The following ZNF813 variants were observed in gnomAD, a reference collection of about 807,000 sequenced individuals.
ZNF813 encodes the protein zinc finger protein 813.
A neutral mutation model predicts 7.2 loss-of-function variants in ZNF813; 3 were observed. The observed-to-expected ratio is 0.42, with a 90% confidence interval of 0.19 to 1.08. The LOEUF is 1.08. Ranked by LOEUF, ZNF813 falls within the 50% of genes least tolerant of loss-of-function variation. The pLI, the probability that ZNF813 is intolerant of heterozygous loss-of-function variation, is 0.30. For missense variants in ZNF813, 714 were observed against 753.3 expected, an observed-to-expected ratio of 0.95 and a Z score of 0.61; for synonymous variants, 227 against 256.3, an observed-to-expected ratio of 0.89 and a Z score of 1.09.
intron 1 of ZNF813, among the ~76,000 whole-genome samples, chr19:53,471,864 A>T (rs2147153932): frequency 1.0e-5 from 1 of 96,048 alleles, no homozygotes; most frequent in Admixed American, 1.1e-4. Context: ...AGTCAGTTAG[A>T]GTTAAATTAT....
chr19:53,469,906 G>A (rs551057166), intron 1 of ZNF813, among the ~76,000 whole-genome samples: 117 of 151,124 alleles, frequency 7.7e-4, no homozygotes, highest in Non-Finnish European at 1.4e-3. Flanking sequence ...GGGGGAGACA[G>A]AAGGATGTTT....
At chr19:53,483,130 T>A (rs1446406915) in intron 1 of ZNF813, among the ~76,000 whole-genome samples, 3 of 150,810 alleles carry the variant, frequency 2.0e-5, no homozygotes, top group Non-Finnish European at 4.4e-5. Context: ...GGCTGGTCTC[T>A]GACTTCTGAC....
chr19:53,491,365 C>T lies in ZNF813; in HGVS notation c.1133C>T (p.Thr378Met), dbSNP rs147544819. The part of the protein sequence containing the change: ...SSLTCHHRLH[T>M]GEKPYKCNEC... ...CTTACATGCCATCATAGACTTCATA[C>T]GGGAGAGAAACCTTATAAGTGTAAT... The change falls in exon 4 of 4, where the codon ACG becomes ATG. Residue 378 changes from threonine (T) to methionine (M), a missense_variant. Thr to Met is a moderately conservative substitution (Grantham distance 81). Around this residue, in one of 3 missense-constraint regions of ZNF813, gnomAD observed 563 missense variants for 554.2 expected, o/e 1.02. Coordinates refer to ENST00000396403, the MANE Select transcript of ZNF813 (RefSeq NM_001004301.4). 1.1e-4 allele frequency: 174 copies of T among 1,613,274 alleles called. No homozygotes were observed. Among genetic ancestry groups the T allele is most frequent in the Non-Finnish European group, 1.3e-4 (153 of 1,179,746 alleles).
In ZNF813 at chr19:53,480,660, C is replaced by G. The variant is rs184378589; in HGVS notation, c.-73-3090C>G. ...GGTAAAGATGTCAGTGACCTTTTACCTTAACATCAAAATGTAGTTTAACCA... is the reference window on the plus strand; with the variant it reads ...GGTAAAGATGTCAGTGACCTTTTACGTTAACATCAAAATGTAGTTTAACCA... On this transcript the variant is annotated intron_variant, in intron 1 of 3. Coordinates refer to ENST00000396403, the MANE Select transcript of ZNF813 (RefSeq NM_001004301.4). 2.1e-3 allele frequency among the ~76,000 whole-genome samples: 318 copies of G among 152,230 alleles called. 3 individuals are homozygous for G. Among genetic ancestry groups the G allele is most frequent in the African/African-American group, 7.2e-3 (300 of 41,548 alleles).
At chr19:53,488,524 T>C (rs1336851554) in intron 3 of ZNF813, among the ~76,000 whole-genome samples, 2 of 151,736 alleles carry the variant, frequency 1.3e-5, no homozygotes, top group African/African-American at 4.8e-5. Context: ...TTTTCCTGCC[T>C]CAGTCCCCCA....
chr19:53,487,143 C>T (rs1327226117), intron 3 of ZNF813, among the ~76,000 whole-genome samples: 1 of 152,010 alleles, frequency 6.6e-6, no homozygotes, highest in Non-Finnish European at 1.5e-5. Flanking sequence ...AAAATTTTTG[C>T]ATATGTATGT....
At chr19:53,475,428 G>A (rs946591438) in intron 1 of ZNF813, among the ~76,000 whole-genome samples, 1 of 152,392 alleles carries the variant, frequency 6.6e-6, no homozygotes, top group African/African-American at 2.4e-5. Context: ...TCTCATTGGG[G>A]AATACCTCGT....
At chr19:53,475,710 A>G (rs1176983887) in intron 1 of ZNF813, among the ~76,000 whole-genome samples, 3 of 152,236 alleles carry the variant, frequency 2.0e-5, no homozygotes, top group Non-Finnish European at 4.4e-5. Context: ...GCCTTAAGGC[A>G]AAGAGGCCAT....
chr19:53,474,037 T>C (rs2086371402), intron 1 of ZNF813, among the ~76,000 whole-genome samples: 4 of 152,252 alleles, frequency 2.6e-5, no homozygotes, highest in Admixed American at 2.6e-4. Flanking sequence ...TTTAGCAGTC[T>C]TGTTAAATCT....
intron 1 of ZNF813, among the ~76,000 whole-genome samples, chr19:53,472,611 C>CTTTTTT (rs1166123869): frequency 3.9e-5 from 5 of 128,406 alleles, no homozygotes; most frequent in Non-Finnish European, 3.2e-5. Context: ...ACAAGTCTTT[C>CTTTTTT]TTTTTTTTTT....
At chr19:53,468,826 G>A (rs901671524) in intron 1 of ZNF813, among the ~76,000 whole-genome samples, 1 of 152,132 alleles carries the variant, frequency 6.6e-6, no homozygotes, top group Non-Finnish European at 1.5e-5. Context: ...CCAGGGACCA[G>A]CAGGAGACAG....
At chr19:53,488,068 A>G (rs965523762) in intron 3 of ZNF813, 4 of 241,240 alleles carry the variant, frequency 1.7e-5, no homozygotes, top group African/African-American at 9.2e-5. Context: ...CTTGTCGCCC[A>G]TGCTGGAGTG....
At chr19:53,471,126 A>G (rs2617702) in intron 1 of ZNF813, among the ~76,000 whole-genome samples, 79,169 of 151,710 alleles carry the variant, frequency 0.52, 21,200 homozygotes, top group African/African-American at 0.66. Context: ...TTTTTTCTTT[A>G]ATTTTATTGT....
intron 3 of ZNF813, among the ~76,000 whole-genome samples, chr19:53,487,797 CAA>C (rs35942754): frequency 0.015 from 1,886 of 130,048 alleles, 42 homozygotes; most frequent in African/African-American, 0.05. Context: ...GACTCTGTCT[CAA>C]AAAAAAAAAA....
Position 53,491,767 on chromosome 19 carries a change from GTCA to G in ZNF813, c.1540_1542del (p.His514del), listed in dbSNP as rs1330956885. 5.1e-6 allele frequency: 8 copies of G among 1,571,816 alleles called. No individual in the cohort carries two copies. Among genetic ancestry groups the G allele is most frequent in the Non-Finnish European group, 7.0e-6 (8 of 1,149,152 alleles). On this transcript the variant is annotated inframe_deletion, in exon 4 of 4. Transcript: ENST00000396403. ...TTTAATCGGAAAACACACCTTGCAT[GTCA>G]TCATAGACTTCATACTGGAGAGAAA...
intron 3 of ZNF813, among the ~76,000 whole-genome samples, chr19:53,487,524 C>T (rs2086439901): frequency 6.6e-6 from 1 of 151,970 alleles, no homozygotes; most frequent in Non-Finnish European, 1.5e-5. Flanking sequence ...TCCTTGTGCC[C>T]CAGTGGCTCA....
intron 1 of ZNF813, among the ~76,000 whole-genome samples, chr19:53,482,843 G>T (rs1409021272): frequency 6.7e-6 from 1 of 148,950 alleles, no homozygotes; most frequent in African/African-American, 2.5e-5. Context: ...TTGTGCCTCA[G>T]CCTCCCAAGT....
chr19:53,483,946 C>T (rs1453046002), intron 2 of ZNF813, 109 bp downstream of exon 2: 1 of 1,593,894 alleles, frequency 6.3e-7, no homozygotes, highest in Non-Finnish European at 8.6e-7. Context: ...GACAGGTTTG[C>T]TCACATTCAC....
chr19:53,490,409 A>G lies in ZNF813; in HGVS notation c.177A>G (p.Ser59=), dbSNP rs2086453560. The part of the protein sequence containing the change: ...ISSKCMMKEF[S]STAQGNREVI... The stretch of plus-strand genomic sequence containing the variant: ...CCAAATGCATGATGAAGGAGTTCTC[A>G]TCAACAGCACAAGGCAATAGAGAAG... Residue 59 remains serine (S), a synonymous_variant, in exon 4 of 4, where the codon TCA becomes TCG. Coordinates refer to ENST00000396403, the MANE Select transcript of ZNF813 (RefSeq NM_001004301.4). The G allele has an allele frequency of 6.2e-7, 1 of 1,614,138 alleles. No individual in the cohort carries two copies. Among genetic ancestry groups the G allele is most frequent in the East Asian group, 2.2e-5 (1 of 44,876 alleles).
Sources: gnomAD v4.1 joint callset for allele counts (sites outside exome capture counted in the v4.1 genomes callset) on GRCh38, gnomAD v4.1.1 for gene constraint, gnomAD v4.1.1 regional missense constraint, MANE v1.5 for transcripts, NCBI Gene and HGNC (gene_info 2026-07-23, HGNC 2026-07-21) for gene names.